RELN: variants seen among roughly 807,000 people sequenced by gnomAD.
The protein encoded by RELN is reelin.
In RELN, 108 loss-of-function variants were observed where a neutral mutation model predicts 427.6. The ratio of observed to expected loss-of-function variants is 0.25; its 90% CI spans 0.22 to 0.30. The LOEUF (loss-of-function observed/expected upper bound fraction) is 0.30, where lower values mean the gene tolerates loss of function less well. Among genes scored for constraint, RELN ranks in the 10% least tolerant of loss-of-function variants. RELN has a pLI of 1.00. For missense variants in RELN, 3,715 were observed against 4,302.8 expected (o/e 0.86, Z 3.82); for synonymous variants, 1,524 against 1,513.4 (o/e 1.01, Z -0.16).
intron 1 of RELN, among the ~76,000 whole-genome samples, chr7:103,945,956 C>T (rs895061800): frequency 9.2e-5 from 14 of 152,110 alleles, no homozygotes; most frequent in Admixed American, 7.9e-4. Context: ...TTGTAAGTGC[C>T]GTACACTCTG....
At chr7:103,973,093 G>A (rs1435861411) in intron 1 of RELN, among the ~76,000 whole-genome samples, 1 of 152,190 alleles carries the variant, frequency 6.6e-6, no homozygotes, top group Non-Finnish European at 1.5e-5. Context: ...AAAGAGCAAA[G>A]GTGCCCTGAA....
At chr7:103,885,271 G>A (rs1349000223) in intron 2 of RELN, among the ~76,000 whole-genome samples, 2 of 151,756 alleles carry the variant, frequency 1.3e-5, no homozygotes, top group African/African-American at 2.4e-5. Flanking sequence ...CCCAGGAGGT[G>A]GAGCTTGCAG....
At chr7:103,879,348 T>C (rs916986531) in intron 2 of RELN, among the ~76,000 whole-genome samples, 1 of 152,220 alleles carries the variant, frequency 6.6e-6, no homozygotes, top group African/African-American at 2.4e-5. Flanking sequence ...CCTCCTCTTA[T>C]GTTTTACAAG....
intron 37 of RELN, 123 bp downstream of exon 37, chr7:103,557,842 A>G: frequency 4.7e-6 from 3 of 642,858 alleles, no homozygotes; most frequent in Non-Finnish European, 5.7e-6. Flanking sequence ...ATTTATGTAT[A>G]CTAATTTATG....
intron 61 of RELN, among the ~76,000 whole-genome samples, chr7:103,485,099 C>T (rs1346691959): frequency 1.3e-5 from 2 of 151,948 alleles, no homozygotes; most frequent in African/African-American, 2.4e-5. Flanking sequence ...GACTTAGAAA[C>T]GTATAAATGC....
chr7:103,816,249 C>T (rs555725462), intron 3 of RELN, among the ~76,000 whole-genome samples: 37 of 152,176 alleles, frequency 2.4e-4, no homozygotes, highest in African/African-American at 8.4e-4. Context: ...CATGCTGGCA[C>T]ACACCTGTAA....
chr7:103,801,945 C>T (rs528703427), intron 3 of RELN, among the ~76,000 whole-genome samples: 1 of 152,230 alleles, frequency 6.6e-6, no homozygotes, highest in South Asian at 2.1e-4. Context: ...TCTGTGAGGG[C>T]AGGGACAACT....
At chr7:103,512,968 A>T (rs1292921635) in intron 50 of RELN, 3 of 152,184 alleles carry the variant, frequency 2.0e-5, no homozygotes, top group Non-Finnish European at 2.9e-5. Context: ...TATGCCGCAC[A>T]ACAAGCAGCT....
At chr7:103,475,334 T>A (rs543716702) in intron 64 of RELN, among the ~76,000 whole-genome samples, 53 of 151,424 alleles carry the variant, frequency 3.5e-4, no homozygotes, top group Middle Eastern at 3.4e-3. Context: ...GTCCCCCAAC[T>A]CCCCCCACCC....
chr7:103,666,693 G>A (rs972105893), intron 11 of RELN, among the ~76,000 whole-genome samples: 2 of 152,144 alleles, frequency 1.3e-5, no homozygotes, highest in Non-Finnish European at 2.9e-5. Context: ...CATCTTGGAG[G>A]TTCCCTGGTC....
At chr7:103,827,343 A>T (rs1793168245) in intron 3 of RELN, among the ~76,000 whole-genome samples, 1 of 151,978 alleles carries the variant, frequency 6.6e-6, no homozygotes, top group African/African-American at 2.4e-5. Context: ...GGAGACAGGA[A>T]AGGAGAAAAG....
chr7:103,957,758 C>A (rs551535407), intron 1 of RELN, among the ~76,000 whole-genome samples: 3 of 152,256 alleles, frequency 2.0e-5, no homozygotes, highest in Admixed American at 2.0e-4. Flanking sequence ...ATTTCAGAGT[C>A]ATTCCTGGAT....
chr7:103,872,030 A>ATATTTTTTTT lies in RELN; in HGVS notation c.338-38359_338-38358insAAAAAAAATA, dbSNP rs773045936. Among the ~76,000 whole-genome samples, 28 of 138,446 alleles carry ATATTTTTTTT rather than the reference A, an allele frequency of 2.0e-4. No individual in the cohort carries two copies. In the East Asian group the frequency reaches 2.0e-3, roughly 10 times the overall value. The allele number at this position is 138,446 out of a possible 152,430, so 90.8% of individuals were successfully genotyped here. On this transcript the variant is annotated intron_variant, in intron 2 of 64. Coordinates refer to ENST00000428762, the MANE Select transcript of RELN (RefSeq NM_005045.4). ...AGTATATGAATATATATATATATATATTTTTCTTTTTTCTTTTTTTTCTTT... is the reference window on the plus strand; with the variant it reads ...AGTATATGAATATATATATATATATATATTTTTTTTTTTTTCTTTTTTCTTTTTTTTCTTT...
intron 1 of RELN, among the ~76,000 whole-genome samples, chr7:103,933,283 T>A (rs1397808217): frequency 6.6e-6 from 1 of 152,162 alleles, no homozygotes; most frequent in East Asian, 1.9e-4. Flanking sequence ...TTTGCATAAT[T>A]TGATGTTTAC....
intron 1 of RELN, among the ~76,000 whole-genome samples, chr7:103,971,164 A>G (rs540873851): frequency 1.3e-5 from 2 of 152,124 alleles, no homozygotes; most frequent in East Asian, 1.9e-4. Flanking sequence ...AAAAAAAAAA[A>G]AAAAAGAAAA....
chr7:103,661,627 G>A (rs1374076902), intron 11 of RELN, 100 bp from the exon 12 acceptor site: 3 of 1,063,668 alleles, frequency 2.8e-6, no homozygotes, highest in East Asian at 2.6e-5. Flanking sequence ...TACTTACTTA[G>A]TAATGAATAA....
At chr7:103,475,486 C>T (rs1016255145) in intron 64 of RELN, among the ~76,000 whole-genome samples, 1 of 152,014 alleles carries the variant, frequency 6.6e-6, no homozygotes, top group East Asian at 1.9e-4. Flanking sequence ...AAAGTTAAAG[C>T]AATGAAAATT....
chr7:103,673,752 A>G (rs1010998178), intron 11 of RELN, among the ~76,000 whole-genome samples: 1 of 146,270 alleles, frequency 6.8e-6, no homozygotes, highest in South Asian at 2.1e-4. Flanking sequence ...TGCTTCCTTT[A>G]AAAAAATGCT....
chr7:103,565,554 GAA>G lies in RELN; in HGVS notation c.4937-5_4937-4del, dbSNP rs35268159. On this transcript the variant is annotated splice_region_variant and splice_polypyrimidine_tract_variant and intron_variant, in intron 33 of 64. Transcript: ENST00000428762. The stretch of plus-strand genomic sequence containing the variant: ...GGTCTCAGCATAACGAGGTTTTCCT[GAA>G]AAAAAAAAATGTGTAATGGTAGCAT... 3 of 1,399,918 alleles carry G rather than the reference GAA, an allele frequency of 2.1e-6. No homozygotes were observed. The highest frequency in any genetic ancestry group is 1.3e-5 in the South Asian group (1 of 77,766). The allele number at this position is 1,399,918 out of a possible 1,614,324, so 86.7% of individuals were successfully genotyped here.
Sources: gnomAD v4.1 joint callset for allele counts (sites outside exome capture counted in the v4.1 genomes callset) on GRCh38, gnomAD v4.1.1 for gene constraint, MANE v1.5 for transcripts, NCBI Gene and HGNC (gene_info 2026-07-23, HGNC 2026-07-21) for gene names.